The following KLHL8 variants were observed in gnomAD, a reference collection of about 807,000 sequenced individuals.
KLHL8 encodes the protein kelch like family member 8.
Under a neutral mutation model 63.5 loss-of-function variants are expected in KLHL8, and 38 were observed. The ratio of observed to expected loss-of-function variants is 0.60; its 90% CI spans 0.46 to 0.78. The LOEUF is 0.78. KLHL8 is among the 30% of genes least tolerant of loss of function. The pLI is 0.00. For missense variants in KLHL8, 566 were observed against 752.4 expected, an observed-to-expected ratio of 0.75 and a Z score of 2.90; for synonymous variants, 224 against 254.3, an observed-to-expected ratio of 0.88 and a Z score of 1.13.
At chr4:87,195,837 CAT>C in intron 1 of KLHL8, 147 bp from the exon 2 acceptor site, 4 of 250,226 alleles carry the variant, frequency 1.6e-5, no homozygotes, top group African/African-American at 2.2e-5. Context: ...CTAAATAACA[CAT>C]AATTCACTTT....
At chr4:87,209,120 C>T (rs2110040520) in intron 1 of KLHL8, among the ~76,000 whole-genome samples, 1 of 152,202 alleles carries the variant, frequency 6.6e-6, no homozygotes, top group African/African-American at 2.4e-5. Flanking sequence ...CTTATAAAGT[C>T]CGTATATTAG....
intron 8 of KLHL8, among the ~76,000 whole-genome samples, chr4:87,168,043 G>GC (rs1730470984): frequency 2.0e-5 from 3 of 152,100 alleles, no homozygotes; most frequent in Admixed American, 6.5e-5. Flanking sequence ...CCCACACCCC[G>GC]CCCCCCGCCT....
chr4:87,190,886 T>C (rs1731456297), intron 2 of KLHL8, among the ~76,000 whole-genome samples: 1 of 152,180 alleles, frequency 6.6e-6, no homozygotes, highest in South Asian at 2.1e-4. Flanking sequence ...CTTTTTCTTT[T>C]TCTTTTTAAT....
Position 87,185,687 on chromosome 4 carries a change from A to T in KLHL8, c.329T>A (p.Ile110Asn). ...TATTGCATCACCATCAAAATCTCTA[A>T]TCTCAATCAGCGTTTGCTTGGCTTC... The part of the protein sequence containing the change: ...MAEAKQTLIE[I>N]RDFDGDAIED... The change falls in exon 3 of 10, where the codon ATT becomes AAT. Residue 110 changes from isoleucine to asparagine, a missense_variant. Physicochemically the swap from Ile to Asn is moderately radical, Grantham distance 149. Coordinates refer to ENST00000273963, the MANE Select transcript of KLHL8 (RefSeq NM_020803.5). The T allele has an allele frequency of 6.2e-7, 1 of 1,614,142 alleles. No individual in the cohort carries two copies. The highest frequency in any genetic ancestry group is 2.2e-5 in the East Asian group (1 of 44,878).
intron 4 of KLHL8, among the ~76,000 whole-genome samples, chr4:87,180,799 T>C (rs1421097787): frequency 2.0e-5 from 3 of 152,018 alleles, no homozygotes; most frequent in Non-Finnish European, 2.9e-5. Flanking sequence ...TCCCAGCACT[T>C]TGGGAGGCTG....
intron 1 of KLHL8, among the ~76,000 whole-genome samples, chr4:87,238,905 A>G (rs919629144): frequency 6.6e-6 from 1 of 152,210 alleles, no homozygotes; most frequent in Non-Finnish European, 1.5e-5. Flanking sequence ...TCATTAAGTT[A>G]TTGTGAACTG....
intron 1 of KLHL8, among the ~76,000 whole-genome samples, chr4:87,198,400 G>A (rs1731784205): frequency 6.6e-6 from 1 of 152,280 alleles, no homozygotes; most frequent in East Asian, 1.9e-4. Context: ...GAGTAAGATG[G>A]TTGATTTAAA....
intron 1 of KLHL8, among the ~76,000 whole-genome samples, chr4:87,215,041 C>CA (rs1732545453): frequency 6.6e-6 from 1 of 152,106 alleles, no homozygotes; most frequent in Admixed American, 6.5e-5. Flanking sequence ...TCAAGTGATC[C>CA]ACCTGCCTCG....
chr4:87,165,124 TG>T (rs1380975844), intron 8 of KLHL8, among the ~76,000 whole-genome samples: 9 of 117,578 alleles, frequency 7.7e-5, no homozygotes, highest in Admixed American at 2.6e-4. Flanking sequence ...CACTCCAGCC[TG>T]GGCGACAGAG....
intron 4 of KLHL8, among the ~76,000 whole-genome samples, chr4:87,179,792 C>T (rs191722928): frequency 1.3e-5 from 2 of 151,068 alleles, no homozygotes; most frequent in East Asian, 1.9e-4. Flanking sequence ...ATAAATAAGA[C>T]AAAAAATGCT....
chr4:87,168,800 A>ATGTGTG (rs1730520284), intron 8 of KLHL8, among the ~76,000 whole-genome samples: 1 of 24,358 alleles, frequency 4.1e-5, no homozygotes. Flanking sequence ...ATATACACAC[A>ATGTGTG]TATATATACA....
chr4:87,186,045 A>AT lies in KLHL8; in HGVS notation c.217-247dup, dbSNP rs574394669. Among the ~76,000 whole-genome samples, 347 of 149,190 alleles carry AT rather than the reference A, an allele frequency of 2.3e-3. 2 individuals carry two copies. The highest frequency in any genetic ancestry group is 5.2e-3 in the African/African-American group (214 of 40,840). On this transcript the variant is annotated intron_variant, in intron 2 of 9. Coordinates refer to ENST00000273963, the MANE Select transcript of KLHL8 (RefSeq NM_020803.5). ...ACACATACTTTAAAATTAAAAAAAA[A>AT]TTTTTTTTTTTGAGACAAGGCCTTG...
intron 1 of KLHL8, among the ~76,000 whole-genome samples, chr4:87,232,231 C>T (rs1383812387): frequency 6.6e-6 from 1 of 151,976 alleles, no homozygotes; most frequent in East Asian, 1.9e-4. Flanking sequence ...GTAGTTGTAC[C>T]CTATTTGCAT....
At chr4:87,187,836 G>A (rs577828238) in intron 2 of KLHL8, among the ~76,000 whole-genome samples, 9 of 152,138 alleles carry the variant, frequency 5.9e-5, no homozygotes, top group African/African-American at 1.7e-4. Context: ...ACAAGTAACA[G>A]TTATAGTACT....
intron 1 of KLHL8, among the ~76,000 whole-genome samples, chr4:87,239,259 G>A (rs181392082): frequency 9.2e-5 from 14 of 152,278 alleles, no homozygotes; most frequent in African/African-American, 2.9e-4. Flanking sequence ...TAGTAGGTGC[G>A]CAGTAAATAT....
intron 1 of KLHL8, among the ~76,000 whole-genome samples, chr4:87,227,223 T>C (rs890378178): frequency 1.3e-5 from 2 of 151,580 alleles, no homozygotes; most frequent in African/African-American, 4.8e-5. Context: ...GTGCAACTAT[T>C]GCACAGGACT....
chr4:87,236,644 TAA>T (rs1733235468), intron 1 of KLHL8, among the ~76,000 whole-genome samples: 2 of 150,056 alleles, frequency 1.3e-5, no homozygotes, highest in Non-Finnish European at 3.0e-5. Context: ...AAAAGTCATT[TAA>T]TTTATCTGTA....
intron 4 of KLHL8, among the ~76,000 whole-genome samples, chr4:87,179,074 T>C (rs762113355): frequency 3.2e-4 from 49 of 152,180 alleles, no homozygotes; most frequent in Non-Finnish European, 6.3e-4. Context: ...TCACATATTT[T>C]TTGCTCACAC....
chr4:87,207,707 C>G, intron 1 of KLHL8: 1 of 900,960 alleles, frequency 1.1e-6, no homozygotes. Context: ...AACATCATCC[C>G]TGCCTCTACT....
Sources: allele counts gnomAD v4.1 joint callset (sites outside exome capture counted in the v4.1 genomes callset), GRCh38; gene constraint gnomAD v4.1.1; transcripts MANE v1.5; gene names NCBI Gene and HGNC (gene_info 2026-07-23, HGNC 2026-07-21).